Variants in CFAP144 observed in about 807,000 individuals in gnomAD.
The protein encoded by CFAP144 is cilia and flagella associated protein 144.
the CFAP144 span, chr1:43,145,272 A>C: frequency 6.5e-7 from 1 of 1,550,158 alleles, no homozygotes; most frequent in African/African-American, 1.4e-5. Flanking sequence ...TGAAGAGTGG[A>C]ACACATCTAA....
chr1:43,147,821 C>T, the CFAP144 span: 3,030 of 1,514,262 alleles, frequency 2.0e-3, 45 homozygotes, highest in African/African-American at 0.036. Context: ...TGAGACCCGC[C>T]CCGACCGGGC....
the CFAP144 span, among the ~76,000 whole-genome samples, chr1:43,154,060 GTGTATATATATATATATATA>G: frequency 4.0e-4 from 29 of 71,760 alleles, no homozygotes; most frequent in African/African-American, 1.2e-3. Context: ...ATATATGTGT[GTGTATATATATATATATATA>G]TATATATATA....
the CFAP144 span, among the ~76,000 whole-genome samples, chr1:43,146,156 A>C: frequency 6.6e-6 from 1 of 152,266 alleles, no homozygotes; most frequent in Non-Finnish European, 1.5e-5. Context: ...TTCTGCCCAC[A>C]GATGGCCATG....
the CFAP144 span, chr1:43,147,944 C>G: frequency 4.3e-4 from 697 of 1,613,706 alleles, no homozygotes; most frequent in South Asian, 7.3e-4. Context: ...GCGTGGCAGC[C>G]CAAGGCCATG....
chr1:43,154,669 T>C, the CFAP144 span, among the ~76,000 whole-genome samples: 2 of 151,942 alleles, frequency 1.3e-5, no homozygotes, highest in South Asian at 4.1e-4. Context: ...GAAGTGCTAG[T>C]GGAAAAAAAT....
At chr1:43,145,384 T>C in the CFAP144 span, 3 of 1,024,116 alleles carry the variant, frequency 2.9e-6, no homozygotes, top group Admixed American at 4.0e-5. Context: ...TGTAGATAGA[T>C]GGGGACTTAG....
chr1:43,150,928 G>C, the CFAP144 span: 3 of 886,124 alleles, frequency 3.4e-6, no homozygotes, highest in East Asian at 8.0e-5. Flanking sequence ...AGAGTCCTCT[G>C]CTTTGATCCT....
the CFAP144 span, among the ~76,000 whole-genome samples, chr1:43,154,102 T>TATATATA: frequency 4.2e-5 from 5 of 118,716 alleles, no homozygotes; most frequent in Admixed American, 9.0e-5. Context: ...ATATATATAC[T>TATATATA]CTCTTTTTAT....
the CFAP144 span, among the ~76,000 whole-genome samples, chr1:43,153,667 A>G: frequency 6.6e-6 from 1 of 151,580 alleles, no homozygotes; most frequent in African/African-American, 2.4e-5. Flanking sequence ...AATTAAAAAA[A>G]TAAAAATTTA....
chr1:43,149,458 A>C, the CFAP144 span, among the ~76,000 whole-genome samples: 1 of 152,070 alleles, frequency 6.6e-6, no homozygotes. Flanking sequence ...GCCTCTCCCA[A>C]CTCTGTGCCT....
chr1:43,156,065 G>A, the CFAP144 span: 13 of 685,006 alleles, frequency 1.9e-5, no homozygotes, highest in African/African-American at 2.1e-4. Context: ...CCTTTTTGAT[G>A]TACATGTGGT....
chr1:43,148,021 T>G, the CFAP144 span: 11 of 1,613,870 alleles, frequency 6.8e-6, no homozygotes, highest in Non-Finnish European at 8.5e-6. Context: ...GCGGGAACTG[T>G]ACCTCAAGGA....
the CFAP144 span, chr1:43,147,763 G>C: frequency 8.3e-6 from 12 of 1,444,916 alleles, no homozygotes; most frequent in Middle Eastern, 2.5e-4. Flanking sequence ...GATCCCGACC[G>C]GCGGGCGCGG....
the CFAP144 span, among the ~76,000 whole-genome samples, chr1:43,151,364 G>A: frequency 6.6e-6 from 1 of 152,212 alleles, no homozygotes; most frequent in Non-Finnish European, 1.5e-5. Flanking sequence ...GTGGGGCTGG[G>A]TGGAGGGATC....
At chr1:43,150,158 G>C in the CFAP144 span, among the ~76,000 whole-genome samples, 12 of 152,188 alleles carry the variant, frequency 7.9e-5, no homozygotes, top group Non-Finnish European at 1.8e-4. Flanking sequence ...CATTTGCCGG[G>C]TGATATATGT....
chr1:43,146,283 A>C, the CFAP144 span, among the ~76,000 whole-genome samples: 2 of 152,208 alleles, frequency 1.3e-5, no homozygotes, highest in Admixed American at 1.3e-4. Flanking sequence ...ATCATTGACA[A>C]ATTGGATATA....
chr1:43,152,922 A>G, the CFAP144 span: 1 of 1,612,682 alleles, frequency 6.2e-7, no homozygotes, highest in African/African-American at 1.3e-5. Flanking sequence ...GATGGGACTT[A>G]GAGCCCTTGG....
At chr1:43,156,212 C>G in the CFAP144 span, 1 of 1,613,872 alleles carries the variant, frequency 6.2e-7, no homozygotes, top group Non-Finnish European at 8.5e-7. Context: ...CTAGATCAAC[C>G]CAGAACGCCA....
chr1:43,151,027 T>A, the CFAP144 span, among the ~76,000 whole-genome samples: 3 of 152,212 alleles, frequency 2.0e-5, no homozygotes, highest in Non-Finnish European at 2.9e-5. Context: ...AAAATTTTTT[T>A]AAATAAAATT....
Sources: allele counts gnomAD v4.1 joint callset (sites outside exome capture counted in the v4.1 genomes callset), GRCh38; gene constraint gnomAD v4.1.1; transcripts MANE v1.5; gene names NCBI Gene and HGNC (gene_info 2026-07-23, HGNC 2026-07-21).